Variants in MLPH observed in about 807,000 individuals in gnomAD.
MLPH encodes exophilin-3.
MLPH carries 51 observed loss-of-function variants against 72.1 expected under a neutral mutation model. The ratio of observed to expected loss-of-function variants is 0.71; its 90% confidence interval spans 0.56 to 0.89. MLPH has a LOEUF of 0.89. Among genes scored for constraint, MLPH ranks in the 40% least tolerant of loss-of-function variants. MLPH has a pLI of 0.00. For synonymous variants in MLPH, 301 were observed against 310.1 expected (o/e 0.97, Z 0.31); for missense variants, 743 against 759.9 (o/e 0.98, Z 0.26).
intron 2 of MLPH, among the ~76,000 whole-genome samples, chr2:237,502,666 A>G (rs2079676669): frequency 6.6e-6 from 1 of 152,196 alleles, no homozygotes; most frequent in African/African-American, 2.4e-5. Flanking sequence ...TTTAAAGGAC[A>G]CAGCCTACAA....
At chr2:237,545,594 G>C in intron 12 of MLPH, 1 of 1,287,506 alleles carries the variant, frequency 7.8e-7, no homozygotes. Context: ...CGTGAAGATG[G>C]ATGTGACTAG....
chr2:237,513,115 A>C (rs547714777), intron 4 of MLPH, among the ~76,000 whole-genome samples: 1 of 152,040 alleles, frequency 6.6e-6, no homozygotes, highest in Non-Finnish European at 1.5e-5. Flanking sequence ...AAAAAAAAAA[A>C]AAAAGGAGGG....
chr2:237,519,936 C>T lies in MLPH; in HGVS notation c.582C>T (p.Asp194=). Residue 194 remains aspartate (D), a synonymous_variant, in exon 6 of 16, where the codon GAC becomes GAT. Transcript: ENST00000264605. The part of the protein sequence containing the change: ...SKKKRLLSVH[D]FDFEGDSDDS... ...AAAAGCGCCTCCTCTCCGTCCACGA[C>T]TTCGACTTCGAGGGAGACTCAGATG... is the stretch of plus-strand genomic sequence containing the variant. 2 of 1,614,056 alleles carry T rather than the reference C, an allele frequency of 1.2e-6. No homozygotes were observed. Among genetic ancestry groups the T allele is most frequent in the East Asian group, 2.2e-5 (1 of 44,872 alleles).
chr2:237,506,852 G>T (rs1161236901), intron 2 of MLPH, among the ~76,000 whole-genome samples: 1 of 152,100 alleles, frequency 6.6e-6, no homozygotes, highest in Non-Finnish European at 1.5e-5. Flanking sequence ...TAGAAGATGG[G>T]TGAATTCTCC....
At chr2:237,500,285 C>T (rs2079619025) in intron 2 of MLPH, among the ~76,000 whole-genome samples, 1 of 152,132 alleles carries the variant, frequency 6.6e-6, no homozygotes, top group South Asian at 2.1e-4. Flanking sequence ...CCTTGTCCAG[C>T]CCCAAGGTTT....
Position 237,554,290 on chromosome 2 carries a change from G to A in MLPH, c.*698G>A, listed in dbSNP as rs115612091. 6.2e-3 allele frequency: 1,028 copies of A among 166,844 alleles called. 7 individuals carry two copies. The highest frequency in any genetic ancestry group is 0.023 in the African/African-American group (973 of 41,830). The allele number at this position is 166,844 out of a possible 1,614,324, so 10.3% of individuals were successfully genotyped here. On this transcript the variant is annotated 3_prime_UTR_variant, in exon 16 of 16. Transcript: ENST00000264605. The stretch of plus-strand genomic sequence containing the variant: ...TAGTGCAGAGAGCCTGCTGGGAGAC[G>A]AAGAGACAGCAGGCAGAGCTCCAGA...
intron 6 of MLPH, among the ~76,000 whole-genome samples, chr2:237,521,423 G>T (rs184216667): frequency 6.6e-6 from 1 of 152,158 alleles, no homozygotes; most frequent in East Asian, 1.9e-4. Flanking sequence ...TTTTTCAGGT[G>T]TCTTGTTCAT....
At chr2:237,548,812 GAGCTTGCA>G (rs1453554587) in intron 13 of MLPH, among the ~76,000 whole-genome samples, 6 of 152,248 alleles carry the variant, frequency 3.9e-5, no homozygotes, top group African/African-American at 1.2e-4. Context: ...CCGGGAGGCG[GAGCTTGCA>G]GTGAGCCGCG....
chr2:237,504,792 G>A (rs1206870278), intron 2 of MLPH, among the ~76,000 whole-genome samples: 3 of 152,124 alleles, frequency 2.0e-5, no homozygotes, highest in Non-Finnish European at 2.9e-5. Flanking sequence ...CTTCTCTCTG[G>A]TTAGGAGAGT....
chr2:237,487,754 G>A (rs1454036998), intron 1 of MLPH, among the ~76,000 whole-genome samples: 1 of 152,246 alleles, frequency 6.6e-6, no homozygotes, highest in African/African-American at 2.4e-5. Context: ...TCCATTGCGA[G>A]TCTGCCATGC....
At chr2:237,501,664 T>TAAAAAAAAAAAAAA (rs58268748) in intron 2 of MLPH, among the ~76,000 whole-genome samples, 3 of 63,558 alleles carry the variant, frequency 4.7e-5, no homozygotes, top group Admixed American at 1.6e-4. Flanking sequence ...ACGTCTCTAC[T>TAAAAAAAAAAAAAA]AAAAAAAAAA....
chr2:237,522,495 T>C (rs1437946316), intron 6 of MLPH, among the ~76,000 whole-genome samples: 1 of 133,124 alleles, frequency 7.5e-6, no homozygotes, highest in Admixed American at 7.1e-5. Flanking sequence ...GGGCTGAGAC[T>C]GGGGTTGGGC....
At chr2:237,497,083 C>T (rs1027132639) in intron 2 of MLPH, among the ~76,000 whole-genome samples, 8 of 152,308 alleles carry the variant, frequency 5.3e-5, no homozygotes, top group African/African-American at 1.9e-4. Context: ...ACCTCATTCT[C>T]GTTCTCATAA....
rs564063016 is a variant in MLPH at position 237,552,562 on chromosome 2, A to G, written c.1776+125A>G. On this transcript the variant is annotated intron_variant, in intron 15 of 15. Transcript: ENST00000264605. ...AACAAAACAAAGATTCAGACCTGAG[A>G]ATCAAAGCAAAAAGTAAAGTAAAAT... The G allele has an allele frequency of 3.8e-5, 30 of 794,722 alleles. No individual in the cohort carries two copies. In the African/African-American group the frequency reaches 5.2e-4, roughly 14 times the overall value. The allele number at this position is 794,722 out of a possible 1,614,324, so 49.2% of individuals were successfully genotyped here. A position where few individuals can be genotyped will look rare whatever the true frequency, so the allele number is the denominator to read the frequency against.
rs1271347577 is a variant in MLPH at position 237,510,294 on chromosome 2, A to G, written c.111-280A>G. ...CCAACCAAAATTGGTACAATTGTAAACAGCCACAGAAATGCTTAAATGCAA... is the reference window on the plus strand; with the variant it reads ...CCAACCAAAATTGGTACAATTGTAAGCAGCCACAGAAATGCTTAAATGCAA... On this transcript the variant is annotated intron_variant, in intron 2 of 15. Transcript: ENST00000264605. This position sits in a 1 kb window ranked among gnomAD's most constrained non-coding sequence, Gnocchi z 4.4. The G allele has an allele frequency of 2.0e-6, 1 of 490,322 alleles. No individual in the cohort carries two copies. Among genetic ancestry groups the G allele is most frequent in the Non-Finnish European group, 3.7e-6 (1 of 268,194 alleles). 30.4% of individuals were successfully genotyped at this position (490,322 alleles called of 1,614,324 possible).
At chr2:237,550,663 C>T (rs2081018822) in intron 14 of MLPH, among the ~76,000 whole-genome samples, 1 of 152,182 alleles carries the variant, frequency 6.6e-6, no homozygotes, top group Non-Finnish European at 1.5e-5. Context: ...GATTCTCCTG[C>T]CTCTGCCTCC....
chr2:237,549,230 G>T lies in MLPH; in HGVS notation c.1627G>T (p.Val543Leu). ...ACTCTGTTTCTTCTAGGCAATGGCT[G>T]TGCCCTATCTTCTGAGAAGAAAGTT... ...DPSSEAKAMAVPYLLRRKFSN... is the reference protein window; with the variant it reads ...DPSSEAKAMALPYLLRRKFSN... Residue 543 changes from valine (V) to leucine (L), a missense_variant, in exon 14 of 16, where the codon GTG (valine) becomes TTG (leucine). Val to Leu is a conservative substitution (Grantham distance 32, BLOSUM62 1). Coordinates refer to ENST00000264605, the MANE Select transcript of MLPH (RefSeq NM_024101.7). 2 of 1,614,108 alleles carry T rather than the reference G, an allele frequency of 1.2e-6. No individual in the cohort carries two copies. The highest frequency in any genetic ancestry group is 1.7e-6 in the Non-Finnish European group (2 of 1,179,972).
At position 237,512,199 on chromosome 2, in the gene MLPH, TC is replaced by T. The variant is rs373364860; in HGVS notation, c.445+1100del. Among the ~76,000 whole-genome samples the T allele has an allele frequency of 5.3e-3, 810 of 152,340 alleles. 9 individuals are homozygous for T. Among genetic ancestry groups the T allele is most frequent in the African/African-American group, 0.018 (754 of 41,580 alleles). On this transcript the variant is annotated intron_variant, in intron 4 of 15. Coordinates refer to ENST00000264605, the MANE Select transcript of MLPH (RefSeq NM_024101.7). This position sits in a 1 kb window ranked among gnomAD's most constrained non-coding sequence, Gnocchi z 5.5. The stretch of plus-strand genomic sequence containing the variant: ...CAGCCCAGGCGTCTCCCCCAGGCCT[TC>T]CTTCTGGAGAGACACCTTATTCGTG...
At chr2:237,545,448 C>T in intron 12 of MLPH, 1 of 1,285,334 alleles carries the variant, frequency 7.8e-7, no homozygotes, top group Non-Finnish European at 1.0e-6. Context: ...TTGTTTCTAC[C>T]CTAAAAAGGC....
Sources: gnomAD v4.1 joint callset for allele counts (sites outside exome capture counted in the v4.1 genomes callset) on GRCh38, gnomAD v4.1.1 for gene constraint, Gnocchi (gnomAD v3.1) non-coding constraint, MANE v1.5 for transcripts, NCBI Gene and HGNC (gene_info 2026-07-23, HGNC 2026-07-21) for gene names.